ADAMTS17: variants seen among roughly 807,000 people sequenced by gnomAD.
ADAMTS17 encodes ADAM metallopeptidase with thrombospondin type 1 motif 17.
Under a neutral mutation model 141.5 loss-of-function variants are expected in ADAMTS17, and 113 were observed. That is an observed-to-expected ratio of 0.80 (90% CI 0.69 to 0.93). The LOEUF is 0.93. Ranked by LOEUF, ADAMTS17 falls within the 40% of genes least tolerant of loss-of-function variation. The pLI is 0.00. For synonymous variants in ADAMTS17, 768 were observed against 630.6 expected, an observed-to-expected ratio of 1.22 and a Z score of -3.27; for missense variants, 1,659 against 1,517.9, an observed-to-expected ratio of 1.09 and a Z score of -1.54.
intron 14 of ADAMTS17, among the ~76,000 whole-genome samples, chr15:100,102,840 G>T (rs2036200448): frequency 6.6e-6 from 1 of 152,122 alleles, no homozygotes; most frequent in Non-Finnish European, 1.5e-5. Context: ...TCTGAGTGTG[G>T]GATCAGACAC....
intron 14 of ADAMTS17, among the ~76,000 whole-genome samples, chr15:100,106,278 G>A: frequency 6.6e-6 from 1 of 152,194 alleles, no homozygotes; most frequent in East Asian, 1.9e-4. Flanking sequence ...CCAGCCTCCA[G>A]AACGTTGAGA....
intron 8 of ADAMTS17, among the ~76,000 whole-genome samples, chr15:100,192,954 A>T (rs2040973754): frequency 6.6e-6 from 1 of 151,836 alleles, no homozygotes; most frequent in Non-Finnish European, 1.5e-5. Flanking sequence ...TCACGTTCTG[A>T]GCTGCAGGCC....
Position 100,152,916 on chromosome 15 carries a change from C to T in ADAMTS17, c.1323-154G>A, listed in dbSNP as rs187228646. Among the ~76,000 whole-genome samples the T allele has an allele frequency of 3.9e-3, 124 of 31,536 alleles. 2 individuals are homozygous for T. The highest frequency in any genetic ancestry group is 7.1e-3 in the African/African-American group (109 of 15,452). 20.7% of individuals were successfully genotyped at this position (31,536 alleles called of 152,430 possible). A position where few individuals can be genotyped will look rare whatever the true frequency, so the allele number is the denominator to read the frequency against. ...ACGCAGGCACTGGACACACAGACTGCGCTTTTTTGCTGTGCATTCCTCTTT... is the reference window on the plus strand; with the variant it reads ...ACGCAGGCACTGGACACACAGACTGTGCTTTTTTGCTGTGCATTCCTCTTT... On this transcript the variant is annotated intron_variant, in intron 9 of 21. Transcript: ENST00000268070.
chr15:100,302,350 T>C (rs952053248), intron 3 of ADAMTS17, among the ~76,000 whole-genome samples: 1 of 152,222 alleles, frequency 6.6e-6, no homozygotes, highest in Admixed American at 6.5e-5. Flanking sequence ...GAAGCTATTA[T>C]CAACAATGCT....
chr15:100,054,594 G>A (rs1871741), intron 15 of ADAMTS17, among the ~76,000 whole-genome samples: 81,024 of 152,038 alleles, frequency 0.53, 24,002 homozygotes, highest in Non-Finnish European at 0.67. Flanking sequence ...TAAAGTGGAC[G>A]TCCCTTCAAT....
intron 20 of ADAMTS17, among the ~76,000 whole-genome samples, chr15:99,988,580 T>C (rs1259470109): frequency 1.3e-5 from 2 of 152,158 alleles, no homozygotes; most frequent in East Asian, 3.8e-4. Flanking sequence ...ATCCCACAAA[T>C]CCCTTTTGTT....
intron 10 of ADAMTS17, among the ~76,000 whole-genome samples, chr15:100,151,363 G>C (rs1248188986): frequency 6.6e-6 from 1 of 152,196 alleles, no homozygotes; most frequent in African/African-American, 2.4e-5. Flanking sequence ...ACTGCAGGTT[G>C]TGTCCCAATT....
chr15:100,036,565 G>GT (rs1293817251), intron 18 of ADAMTS17, among the ~76,000 whole-genome samples: 2 of 152,302 alleles, frequency 1.3e-5, no homozygotes, highest in East Asian at 1.9e-4. Context: ...GCCTGCAACC[G>GT]TAAGTGCGCA....
chr15:100,003,011 G>T (rs1567665002), intron 18 of ADAMTS17, among the ~76,000 whole-genome samples: 1 of 152,006 alleles, frequency 6.6e-6, no homozygotes, highest in African/African-American at 2.4e-5. Flanking sequence ...CTCTGGGGCT[G>T]CCCCTGCCTC....
intron 8 of ADAMTS17, among the ~76,000 whole-genome samples, chr15:100,162,018 T>A (rs945118440): frequency 6.6e-6 from 1 of 152,210 alleles, no homozygotes; most frequent in East Asian, 1.9e-4. Context: ...TAGTACCATG[T>A]CAGTAAGAAT....
intron 18 of ADAMTS17, among the ~76,000 whole-genome samples, chr15:100,031,922 C>G (rs973596019): frequency 6.6e-6 from 1 of 152,124 alleles, no homozygotes; most frequent in Admixed American, 6.5e-5. Flanking sequence ...GGTCCTTGCC[C>G]TTACGGGGAA....
intron 8 of ADAMTS17, among the ~76,000 whole-genome samples, chr15:100,180,421 G>A (rs1047647359): frequency 6.6e-6 from 1 of 152,134 alleles, no homozygotes; most frequent in Non-Finnish European, 1.5e-5. Context: ...GGTTACTATA[G>A]CTCTACAGTA....
chr15:100,117,281 T>G (rs2037197737), intron 12 of ADAMTS17, among the ~76,000 whole-genome samples: 2 of 152,132 alleles, frequency 1.3e-5, no homozygotes, highest in South Asian at 4.1e-4. Flanking sequence ...TTTGGCAAGA[T>G]CCACACATTG....
chr15:100,315,173 G>C (rs1258713686), intron 3 of ADAMTS17, among the ~76,000 whole-genome samples: 1 of 152,220 alleles, frequency 6.6e-6, no homozygotes, highest in Non-Finnish European at 1.5e-5. Context: ...GGCAGGCAGC[G>C]TGGCAGGTGG....
chr15:100,084,619 C>T (rs1008075665), intron 15 of ADAMTS17, among the ~76,000 whole-genome samples: 4 of 152,166 alleles, frequency 2.6e-5, no homozygotes, highest in East Asian at 3.8e-4. Context: ...ACACCTCACA[C>T]GACTGGGTAC....
chr15:100,044,446 C>G (rs1430409673), intron 18 of ADAMTS17, among the ~76,000 whole-genome samples: 1 of 152,054 alleles, frequency 6.6e-6, no homozygotes, highest in African/African-American at 2.4e-5. Flanking sequence ...GTTGTTAGAC[C>G]CATGGAGTGA....
chr15:100,258,138 C>T (rs746784859), intron 6 of ADAMTS17, among the ~76,000 whole-genome samples: 3 of 152,256 alleles, frequency 2.0e-5, no homozygotes, highest in African/African-American at 4.8e-5. Flanking sequence ...ATATAGGTCA[C>T]TCCCACCTCT....
At chr15:100,105,740 T>G (rs2036377626) in intron 14 of ADAMTS17, among the ~76,000 whole-genome samples, 1 of 152,104 alleles carries the variant, frequency 6.6e-6, no homozygotes, top group African/African-American at 2.4e-5. Context: ...CAGGCTGGAG[T>G]GCAATGGTGC....
intron 17 of ADAMTS17, among the ~76,000 whole-genome samples, chr15:100,049,222 T>A (rs1360066834): frequency 2.0e-5 from 3 of 152,148 alleles, no homozygotes; most frequent in African/African-American, 7.2e-5. Context: ...TAGAACAAGA[T>A]AAGAAAGCAG....
Sources: allele counts gnomAD v4.1 joint callset (sites outside exome capture counted in the v4.1 genomes callset), GRCh38; gene constraint gnomAD v4.1.1; transcripts MANE v1.5; gene names NCBI Gene and HGNC (gene_info 2026-07-23, HGNC 2026-07-21).